Variants in RAPGEF2 observed in about 807,000 individuals in gnomAD.
RAPGEF2 encodes Rap guanine nucleotide exchange factor 2.
RAPGEF2 carries 54 observed loss-of-function variants against 186.7 expected under a neutral mutation model. The observed-to-expected ratio is 0.29, with a 90% CI of 0.23 to 0.36. RAPGEF2 has a LOEUF of 0.36. RAPGEF2 is among the 10% of genes least tolerant of loss of function. The pLI is 1.00. For missense variants in RAPGEF2, 1,532 were observed against 2,045.0 expected (o/e 0.75, Z 4.84); for synonymous variants, 712 against 705.9 (o/e 1.01, Z -0.14).
At chr4:159,290,361 C>T (rs145403250) in intron 7 of RAPGEF2, among the ~76,000 whole-genome samples, 589 of 152,264 alleles carry the variant, frequency 3.9e-3, no homozygotes, top group African/African-American at 0.013. Context: ...TGCACTGACA[C>T]CACAGATTTT....
At chr4:159,233,511 G>A (rs558993725) in intron 4 of RAPGEF2, among the ~76,000 whole-genome samples, 2 of 152,232 alleles carry the variant, frequency 1.3e-5, no homozygotes, top group East Asian at 3.9e-4. Flanking sequence ...TTTAAGTGAA[G>A]TATCTCAGGA....
chr4:159,161,659 C>T (rs1406086051), intron 1 of RAPGEF2, among the ~76,000 whole-genome samples: 2 of 152,140 alleles, frequency 1.3e-5, no homozygotes, highest in Non-Finnish European at 1.5e-5. Flanking sequence ...CTGCAATGAG[C>T]CATGATCACG....
In RAPGEF2 at chr4:159,103,281, G is replaced by A. The variant is rs1365783923; in HGVS notation, c.-882G>A. ...CCCTCCTCCGCCCCGCGCAGACGAGGAACAAAGTTGCCGAGAGCGACTGGG... is the reference window on the plus strand; with the variant it reads ...CCCTCCTCCGCCCCGCGCAGACGAGAAACAAAGTTGCCGAGAGCGACTGGG... On this transcript the variant is annotated 5_prime_UTR_variant, in exon 1 of 30. Coordinates refer to ENST00000691494, the MANE Select transcript of RAPGEF2 (RefSeq NM_001394067.2). 1 of 152,174 alleles carries A rather than the reference G, an allele frequency of 6.6e-6. No homozygotes were observed. The highest frequency in any genetic ancestry group is 1.5e-5 in the Non-Finnish European group (1 of 67,908). 9.4% of individuals were successfully genotyped at this position (152,174 alleles called of 1,614,324 possible).
At chr4:159,247,885 C>T (rs1245383605) in intron 7 of RAPGEF2, among the ~76,000 whole-genome samples, 1 of 150,592 alleles carries the variant, frequency 6.6e-6, no homozygotes, top group Non-Finnish European at 1.5e-5. Flanking sequence ...GCCTCAGCCT[C>T]CCGAGTAGCT....
chr4:159,330,466 G>C lies in RAPGEF2; in HGVS notation c.1435G>C (p.Glu479Gln). The part of the protein sequence containing the change: ...SPMEVGKKLL[E>Q]WFNDPSLRDK... ...AATGGAAGTGGGCAAAAAGTTATTG[G>C]AGTGGTTTAATGACCCGAGCCTCAG... The change falls in exon 13 of 30, where the codon GAG (glutamate) becomes CAG (glutamine). Residue 479 changes from glutamate to glutamine, a missense_variant. Glu to Gln is a conservative substitution (Grantham distance 29). Transcript: ENST00000691494. 6.2e-7 allele frequency: 1 copy of C among 1,606,868 alleles called. No individual in the cohort carries two copies. The highest frequency in any genetic ancestry group is 8.5e-7 in the Non-Finnish European group (1 of 1,178,174).
At chr4:159,222,300 G>A (rs187755199) in intron 4 of RAPGEF2, among the ~76,000 whole-genome samples, 107 of 152,304 alleles carry the variant, frequency 7.0e-4, no homozygotes, top group African/African-American at 2.5e-3. Flanking sequence ...GGGATTGGTA[G>A]TGTCTTAACA....
intron 1 of RAPGEF2, among the ~76,000 whole-genome samples, chr4:159,158,672 C>A (rs146932091): frequency 6.6e-6 from 1 of 152,122 alleles, no homozygotes; most frequent in African/African-American, 2.4e-5. Flanking sequence ...CTATAGTCAC[C>A]TATTCAGGAG....
chr4:159,153,163 G>T (rs2111196448), intron 1 of RAPGEF2, among the ~76,000 whole-genome samples: 1 of 152,254 alleles, frequency 6.6e-6, no homozygotes, highest in African/African-American at 2.4e-5. Flanking sequence ...ATTCTCTGGT[G>T]CAGTGGACTT....
At chr4:159,301,977 G>T (rs946760628) in intron 7 of RAPGEF2, among the ~76,000 whole-genome samples, 1 of 152,166 alleles carries the variant, frequency 6.6e-6, no homozygotes, top group African/African-American at 2.4e-5. Context: ...GATACTCTCT[G>T]CCACTAGCAG....
chr4:159,182,378 C>CTTT (rs1747096233), intron 1 of RAPGEF2, among the ~76,000 whole-genome samples: 1 of 97,372 alleles, frequency 1.0e-5, no homozygotes, highest in Non-Finnish European at 2.2e-5. Flanking sequence ...CTAGTATTTT[C>CTTT]TTTTCTTCTT....
intron 7 of RAPGEF2, among the ~76,000 whole-genome samples, chr4:159,279,841 G>A (rs1759453534): frequency 6.6e-6 from 1 of 151,946 alleles, no homozygotes; most frequent in African/African-American, 2.4e-5. Context: ...ACCACACCCA[G>A]CTAATTTTTG....
chr4:159,111,851 C>T (rs1311864595), intron 1 of RAPGEF2, among the ~76,000 whole-genome samples: 3 of 152,096 alleles, frequency 2.0e-5, no homozygotes, highest in South Asian at 2.1e-4. Context: ...ACCCTTTAAC[C>T]GGTTTCTCCC....
intron 7 of RAPGEF2, among the ~76,000 whole-genome samples, chr4:159,272,731 A>C (rs1309810499): frequency 6.6e-6 from 1 of 152,226 alleles, no homozygotes; most frequent in Non-Finnish European, 1.5e-5. Flanking sequence ...CTATAGAAGA[A>C]TATGAGGGTT....
At chr4:159,237,844 A>T (rs1253580248) in intron 4 of RAPGEF2, among the ~76,000 whole-genome samples, 3 of 27,712 alleles carry the variant, frequency 1.1e-4, no homozygotes, top group African/African-American at 5.6e-4. Flanking sequence ...ACAAAAATTA[A>T]AAAAAAAAAA....
chr4:159,207,945 A>G (rs1750145408), intron 3 of RAPGEF2, among the ~76,000 whole-genome samples: 1 of 152,264 alleles, frequency 6.6e-6, no homozygotes, highest in African/African-American at 2.4e-5. Context: ...GCTGGTTGCA[A>G]GAGCTAATGA....
At chr4:159,190,544 T>A (rs1049025493) in intron 2 of RAPGEF2, among the ~76,000 whole-genome samples, 2 of 152,224 alleles carry the variant, frequency 1.3e-5, no homozygotes, top group African/African-American at 4.8e-5. Context: ...TGTATTAGTC[T>A]GTTCTCACTA....
At chr4:159,304,957 A>T (rs1030940038) in intron 8 of RAPGEF2, among the ~76,000 whole-genome samples, 3 of 152,164 alleles carry the variant, frequency 2.0e-5, no homozygotes, top group African/African-American at 7.2e-5. Flanking sequence ...CTGTGTCTGA[A>T]TTATTTCAAT....
chr4:159,153,065 A>G (rs1051367623), intron 1 of RAPGEF2, among the ~76,000 whole-genome samples: 2 of 152,138 alleles, frequency 1.3e-5, no homozygotes, highest in Non-Finnish European at 2.9e-5. Context: ...ACTTTTTTAT[A>G]TTGGTCAGTT....
At chr4:159,125,350 C>T (rs1450933529) in intron 1 of RAPGEF2, among the ~76,000 whole-genome samples, 1 of 152,136 alleles carries the variant, frequency 6.6e-6, no homozygotes. Flanking sequence ...GTTTACATTT[C>T]CTTATCTTGT....
Sources: gnomAD v4.1 joint callset for allele counts (sites outside exome capture counted in the v4.1 genomes callset) on GRCh38, gnomAD v4.1.1 for gene constraint, MANE v1.5 for transcripts, NCBI Gene and HGNC (gene_info 2026-07-23, HGNC 2026-07-21) for gene names.